VEGFC: variants seen among roughly 807,000 people sequenced by gnomAD.
The protein encoded by VEGFC is FLT4 ligand DHM.
VEGFC carries 12 observed loss-of-function variants against 46.1 expected under a neutral mutation model. That is an observed-to-expected ratio of 0.26 (90% CI 0.17 to 0.42). The LOEUF is 0.42. Ranked by LOEUF, VEGFC falls within the 10% of genes least tolerant of loss-of-function variation. The probability of loss-of-function intolerance (pLI) is 1.00; values close to 1 mark genes in which losing one functional copy is unlikely to be tolerated. For synonymous variants in VEGFC, 232 were observed against 195.5 expected (o/e 1.19, Z -1.56); for missense variants, 488 against 529.4 (o/e 0.92, Z 0.77).
rs150076868 is a variant in VEGFC at position 176,772,304 on chromosome 4, A to G, written c.147+19861T>C. On this transcript the variant is annotated intron_variant, in intron 1 of 6. Transcript: ENST00000618562. ...TTTCTCTGTTATGCGATTTGACACA[A>G]TGAAATTAGCAAGTTTAAGTTCTCA... Among the ~76,000 whole-genome samples, 413 of 152,316 alleles carry G rather than the reference A, an allele frequency of 2.7e-3. 1 individual carries two copies. The highest frequency in any genetic ancestry group is 4.7e-3 in the Non-Finnish European group (317 of 68,022).
At chr4:176,753,259 G>A (rs1437270587) in intron 1 of VEGFC, among the ~76,000 whole-genome samples, 1 of 152,102 alleles carries the variant, frequency 6.6e-6, no homozygotes, top group Non-Finnish European at 1.5e-5. Context: ...ATGATGTAGA[G>A]TCCACAGGAT....
At chr4:176,706,303 G>C (rs1039798630) in intron 4 of VEGFC, among the ~76,000 whole-genome samples, 5 of 140,688 alleles carry the variant, frequency 3.6e-5, no homozygotes, top group African/African-American at 1.3e-4. Context: ...TCAAAGATTT[G>C]ACTTAAAATG....
At chr4:176,777,792 A>AC (rs113422943) in intron 1 of VEGFC, among the ~76,000 whole-genome samples, 16,614 of 151,452 alleles carry the variant, frequency 0.11, 2,272 homozygotes, top group African/African-American at 0.32. Flanking sequence ...GGTGGTGGGC[A>AC]CCCGTAGTCC....
At chr4:176,764,236 TAA>T (rs1346431348) in intron 1 of VEGFC, among the ~76,000 whole-genome samples, 1 of 152,160 alleles carries the variant, frequency 6.6e-6, no homozygotes, top group African/African-American at 2.4e-5. Flanking sequence ...TTGGGTAATA[TAA>T]TATGATAGTC....
chr4:176,756,398 G>T (rs1400675543), intron 1 of VEGFC, among the ~76,000 whole-genome samples: 3 of 151,934 alleles, frequency 2.0e-5, no homozygotes, highest in Non-Finnish European at 4.4e-5. Flanking sequence ...TAAACTGAGG[G>T]TCATGATAGA....
In VEGFC at chr4:176,729,547, G is replaced by A. The variant is rs750944693; in HGVS notation, c.347C>T (p.Thr116Ile). 17 of 1,612,778 alleles carry A rather than the reference G, an allele frequency of 1.1e-5. No homozygotes were observed. In the East Asian group the frequency reaches 3.8e-4, roughly 36 times the overall value. Residue 116 changes from threonine to isoleucine, a missense_variant, in exon 2 of 7, where the codon ACA (threonine) becomes ATA (isoleucine). Coordinates refer to ENST00000618562, the MANE Select transcript of VEGFC (RefSeq NM_005429.5). ...TIKFAAAHYN[T>I]EILKSIDNEW... The stretch of plus-strand genomic sequence containing the variant: ...CCCATACTTACTTTTCAAGATCTCT[G>A]TATTATAATGTGCTGCAGCAAATTT...
At chr4:176,768,244 CAGATATGAAGATATCT>C (rs1735662942) in intron 1 of VEGFC, among the ~76,000 whole-genome samples, 1 of 151,866 alleles carries the variant, frequency 6.6e-6, no homozygotes, top group Non-Finnish European at 1.5e-5. Context: ...ACTAAAGATA[CAGATATGAAGATATCT>C]AGAACCATGG....
chr4:176,694,876 A>G (rs1388634124), intron 4 of VEGFC, among the ~76,000 whole-genome samples: 1 of 146,484 alleles, frequency 6.8e-6, no homozygotes, highest in African/African-American at 2.7e-5. Context: ...CTCCTGAATG[A>G]CTACTGGGTA....
At chr4:176,720,006 C>G (rs573551831) in intron 3 of VEGFC, among the ~76,000 whole-genome samples, 7 of 151,818 alleles carry the variant, frequency 4.6e-5, no homozygotes, top group Non-Finnish European at 1.0e-4. Flanking sequence ...TTGCAGTGAG[C>G]CAAGATCACA....
intron 4 of VEGFC, chr4:176,706,121 A>G (rs1734530246): frequency 6.6e-6 from 1 of 152,136 alleles, no homozygotes; most frequent in Non-Finnish European, 1.5e-5. Flanking sequence ...TAGTAAAATA[A>G]AACAATAATA....
chr4:176,727,582 A>G (rs1019244390), intron 3 of VEGFC, among the ~76,000 whole-genome samples, 196 bp downstream of exon 3: 5 of 152,304 alleles, frequency 3.3e-5, no homozygotes, highest in Non-Finnish European at 7.3e-5. Context: ...TAAAGCATCA[A>G]TTACTTTCTT....
intron 3 of VEGFC, among the ~76,000 whole-genome samples, chr4:176,713,395 C>T (rs1367488688): frequency 6.6e-6 from 1 of 152,116 alleles, no homozygotes; most frequent in Non-Finnish European, 1.5e-5. Flanking sequence ...TCTTTTAAGA[C>T]ATCTATGGAA....
At chr4:176,734,457 C>A (rs1362869511) in intron 1 of VEGFC, among the ~76,000 whole-genome samples, 1 of 151,710 alleles carries the variant, frequency 6.6e-6, no homozygotes, top group East Asian at 1.9e-4. Flanking sequence ...AAGTGCTCAG[C>A]AAACAGACTA....
chr4:176,694,804 T>C (rs1734277936), intron 4 of VEGFC, among the ~76,000 whole-genome samples: 1 of 143,664 alleles, frequency 7.0e-6, no homozygotes, highest in South Asian at 2.2e-4. Context: ...GCAATCAAAC[T>C]AGAACTCAGG....
At chr4:176,765,359 T>C (rs1165893097) in intron 1 of VEGFC, among the ~76,000 whole-genome samples, 1 of 151,686 alleles carries the variant, frequency 6.6e-6, no homozygotes, top group East Asian at 1.9e-4. Flanking sequence ...TTAATATATA[T>C]TTAACTGGAG....
At chr4:176,789,053 G>C in intron 1 of VEGFC, among the ~76,000 whole-genome samples, 1 of 152,176 alleles carries the variant, frequency 6.6e-6, no homozygotes, top group Non-Finnish European at 1.5e-5. Flanking sequence ...AAGGCAAGCA[G>C]GCAAGCACAG....
rs551116077 is a variant in VEGFC, at chr4:176,722,513, T to C, written c.552+5265A>G. ...GTTTTTTTTTTGTTTTTTTTTTTTT[T>C]GAGGCAGGGTCTGGCTCTGTCACCC... On this transcript the variant is annotated intron_variant, in intron 3 of 6. Coordinates refer to ENST00000618562, the MANE Select transcript of VEGFC (RefSeq NM_005429.5). Among the ~76,000 whole-genome samples the C allele has an allele frequency of 5.2e-4, 76 of 147,056 alleles. No individual in the cohort carries two copies. The South Asian group carries it at 0.015, about 29-fold the overall frequency.
At chr4:176,730,863 C>T (rs751742501) in intron 1 of VEGFC, among the ~76,000 whole-genome samples, 12 of 151,778 alleles carry the variant, frequency 7.9e-5, no homozygotes, top group Non-Finnish European at 1.6e-4. Flanking sequence ...GATTTTTGTA[C>T]CATATATTGA....
chr4:176,684,624 C>G (rs1734004948), intron 6 of VEGFC, among the ~76,000 whole-genome samples: 1 of 152,126 alleles, frequency 6.6e-6, no homozygotes, highest in Non-Finnish European at 1.5e-5. Flanking sequence ...TACTCAGCAG[C>G]GAGGGTCCCC....
Sources: allele counts gnomAD v4.1 joint callset (sites outside exome capture counted in the v4.1 genomes callset), GRCh38; gene constraint gnomAD v4.1.1; transcripts MANE v1.5; gene names NCBI Gene and HGNC (gene_info 2026-07-23, HGNC 2026-07-21).